Variants in TBC1D32 observed in about 807,000 individuals in gnomAD.
The protein encoded by TBC1D32 is protein broad-minded.
In TBC1D32, 151 loss-of-function variants were observed where a neutral mutation model predicts 170.3. That is an observed-to-expected ratio of 0.89 (90% CI 0.78 to 1.01). The LOEUF is 1.01. Among genes scored for constraint, TBC1D32 ranks in the 50% least tolerant of loss-of-function variants. TBC1D32 has a pLI of 0.00. For synonymous variants in TBC1D32, 498 were observed against 488.0 expected, an observed-to-expected ratio of 1.02 and a Z score of -0.27; for missense variants, 1,464 against 1,457.1, an observed-to-expected ratio of 1.00 and a Z score of -0.08.
At chr6:121,257,344 G>C (rs1346710495) in intron 15 of TBC1D32, among the ~76,000 whole-genome samples, 2 of 152,018 alleles carry the variant, frequency 1.3e-5, no homozygotes, top group Non-Finnish European at 2.9e-5. Context: ...TGGTGCTAAA[G>C]ATCACTGGTC....
rs1254102104 is a variant in TBC1D32 at position 121,201,486 on chromosome 6, C to T, written c.2570+3589G>A. ...TCTATCATAGCAGAGTTGATCAGTA[C>T]TGTCCAAAAGTGAAAAATCACACTC... On this transcript the variant is annotated intron_variant, in intron 22 of 31. Coordinates refer to ENST00000398212, the MANE Select transcript of TBC1D32 (RefSeq NM_152730.6). Among the ~76,000 whole-genome samples the T allele has an allele frequency of 3.3e-5, 5 of 151,308 alleles. 1 individual carries two copies. The highest frequency in any genetic ancestry group is 1.2e-4 in the African/African-American group (5 of 40,682).
At chr6:121,223,387 A>G in intron 20 of TBC1D32, 35 bp from the exon 21 acceptor site, 1 of 1,389,802 alleles carries the variant, frequency 7.2e-7, no homozygotes, top group Non-Finnish European at 1.0e-6. Flanking sequence ...TAAATGATTC[A>G]CTTTTGTCAA....
chr6:121,313,261 A>G (rs1808494373), intron 3 of TBC1D32, among the ~76,000 whole-genome samples: 2 of 146,506 alleles, frequency 1.4e-5, no homozygotes, highest in Non-Finnish European at 3.0e-5. Flanking sequence ...ATGAACTACC[A>G]TGCCTGGCCT....
intron 22 of TBC1D32, among the ~76,000 whole-genome samples, chr6:121,197,087 A>G (rs1051812254): frequency 1.3e-5 from 2 of 152,226 alleles, no homozygotes. Context: ...ATTTAAGTCA[A>G]CAGACTAAGA....
chr6:121,094,075 T>G (rs1777124840), intron 30 of TBC1D32, among the ~76,000 whole-genome samples: 1 of 152,008 alleles, frequency 6.6e-6, no homozygotes, highest in South Asian at 2.1e-4. Context: ...TGCAAGTACT[T>G]CAGACTTACA....
intron 28 of TBC1D32, 51 bp from the exon 29 acceptor site, chr6:121,112,710 T>C (rs1779306715): frequency 2.2e-6 from 3 of 1,337,782 alleles, no homozygotes; most frequent in Non-Finnish European, 3.0e-6. Context: ...GATAAAATAT[T>C]AAAATTCTGT....
chr6:121,083,191 A>C (rs1009845414), intron 31 of TBC1D32, among the ~76,000 whole-genome samples: 3 of 152,034 alleles, frequency 2.0e-5, no homozygotes, highest in Non-Finnish European at 2.9e-5. Flanking sequence ...ATCAAACTCT[A>C]TATAAAATAT....
At chr6:121,257,748 T>C (rs1026919491) in intron 15 of TBC1D32, among the ~76,000 whole-genome samples, 1 of 152,164 alleles carries the variant, frequency 6.6e-6, no homozygotes, top group Non-Finnish European at 1.5e-5. Context: ...TTTATGTATG[T>C]CAATCCATTG....
At chr6:121,112,264 G>A (rs1187798291) in intron 29 of TBC1D32, 4 of 270,484 alleles carry the variant, frequency 1.5e-5, no homozygotes, top group Non-Finnish European at 2.7e-5. Context: ...TCATTATCAT[G>A]TTTCTACTTC....
chr6:121,125,081 A>G (rs1160023290), intron 26 of TBC1D32, among the ~76,000 whole-genome samples: 2 of 152,140 alleles, frequency 1.3e-5, no homozygotes. Context: ...TGTTCTTAAT[A>G]CTTGTGGACA....
chr6:121,288,441 A>T (rs570044790), intron 12 of TBC1D32, among the ~76,000 whole-genome samples: 25 of 152,314 alleles, frequency 1.6e-4, no homozygotes, highest in Admixed American at 1.0e-3. Context: ...CACCCTCCCA[A>T]GACTAAATCA....
At chr6:121,122,001 AAGT>A (rs1780317547) in intron 26 of TBC1D32, among the ~76,000 whole-genome samples, 1 of 152,000 alleles carries the variant, frequency 6.6e-6, no homozygotes, top group African/African-American at 2.4e-5. Flanking sequence ...AATGTCCAAC[AAGT>A]ATCTCAAACA....
intron 5 of TBC1D32, among the ~76,000 whole-genome samples, chr6:121,305,981 AGTT>A (rs1312697471): frequency 6.6e-6 from 1 of 152,154 alleles, no homozygotes; most frequent in Non-Finnish European, 1.5e-5. Context: ...TATTTTGTAA[AGTT>A]ATTTCATAAT....
chr6:121,273,921 ATCT>A (rs1309264100), intron 15 of TBC1D32, among the ~76,000 whole-genome samples: 1 of 152,098 alleles, frequency 6.6e-6, no homozygotes, highest in Non-Finnish European at 1.5e-5. Context: ...CTGTTCATAA[ATCT>A]TCTTCCACCA....
intron 1 of TBC1D32, among the ~76,000 whole-genome samples, chr6:121,325,990 C>T (rs1810412415): frequency 6.6e-6 from 1 of 152,140 alleles, no homozygotes; most frequent in Non-Finnish European, 1.5e-5. Context: ...CAAAAGAAGA[C>T]ATTTACGCAG....
intron 31 of TBC1D32, among the ~76,000 whole-genome samples, chr6:121,088,983 T>C (rs1014117047): frequency 7.2e-5 from 11 of 152,308 alleles, no homozygotes; most frequent in African/African-American, 2.4e-4. Context: ...TTCCCTCAAA[T>C]AGTCAAAAGA....
chr6:121,150,845 T>C (rs549797546), intron 24 of TBC1D32, among the ~76,000 whole-genome samples: 10 of 152,184 alleles, frequency 6.6e-5, no homozygotes, highest in African/African-American at 2.4e-4. Context: ...GGATCAGTGG[T>C]GATATCCCCT....
At position 121,308,155 on chromosome 6, in the gene TBC1D32, CT is replaced by C; in HGVS notation, c.565-55del. 1.9e-6 allele frequency: 3 copies of C among 1,553,390 alleles called. No homozygotes were observed. The South Asian group carries it at 3.5e-5, about 18-fold the overall frequency. On this transcript the variant is annotated intron_variant, in intron 4 of 31. Transcript: ENST00000398212. The stretch of plus-strand genomic sequence containing the variant: ...ACACTCAGTCACTAAAATAATGCCA[CT>C]TTTCCAAAACAATATTTAACAAACT...
intron 30 of TBC1D32, chr6:121,096,025 C>A (rs553751997): frequency 2.0e-5 from 3 of 152,052 alleles, no homozygotes; most frequent in South Asian, 2.1e-4. Flanking sequence ...CCTCTTTGTA[C>A]CTCTGGGTAG....
Sources: gnomAD v4.1 joint callset for allele counts (sites outside exome capture counted in the v4.1 genomes callset) on GRCh38, gnomAD v4.1.1 for gene constraint, MANE v1.5 for transcripts, NCBI Gene and HGNC (gene_info 2026-07-23, HGNC 2026-07-21) for gene names.